Variants in ANK2 observed in about 807,000 individuals in gnomAD.
ANK2 encodes ankyrin-2.
In ANK2, 83 loss-of-function variants were observed where a neutral mutation model predicts 360.5. The observed-to-expected ratio is 0.23, with a 90% CI of 0.19 to 0.28. The LOEUF (loss-of-function observed/expected upper bound fraction) is 0.28. Among genes scored for constraint, ANK2 ranks in the 10% least tolerant of loss-of-function variants. ANK2 has a pLI of 1.00. For missense variants in ANK2, 4,201 were observed against 4,795.7 expected, an observed-to-expected ratio of 0.88 and a Z score of 3.66; for synonymous variants, 1,740 against 1,759.5, an observed-to-expected ratio of 0.99 and a Z score of 0.28.
At chr4:113,186,598 T>TCC (rs1419538673) in intron 2 of ANK2, among the ~76,000 whole-genome samples, 1 of 121,368 alleles carries the variant, frequency 8.2e-6, no homozygotes, top group African/African-American at 3.1e-5. Flanking sequence ...TCTCTCTCTC[T>TCC]CTCTCTCTCC....
chr4:113,145,949 A>C, intron 1 of ANK2: 1 of 1,289,854 alleles, frequency 7.8e-7, no homozygotes, highest in South Asian at 1.2e-5. Flanking sequence ...AACTGGATAA[A>C]ACCCCAGACT....
At chr4:112,853,742 T>C (rs1237495493) in intron 1 of ANK2, among the ~76,000 whole-genome samples, 1 of 152,230 alleles carries the variant, frequency 6.6e-6, no homozygotes, top group Non-Finnish European at 1.5e-5. Context: ...AGTCTTCCAT[T>C]TTTACAAATA....
In ANK2 at chr4:113,357,435, T is replaced by G; in HGVS notation, c.8817T>G (p.Ser2939Arg). The change falls in exon 38 of 46, where the codon AGT (serine) becomes AGG (arginine). Residue 2939 changes from serine (S) to arginine (R), a missense_variant. By Grantham distance (110) the Ser-to-Arg change is moderately radical (BLOSUM62 -1). Around this residue, in one of 4 missense-constraint regions of ANK2, gnomAD observed 2,642 missense variants for 2,714.5 expected, o/e 0.97. Transcript: ENST00000357077. ...ENVPSQSFFS[S>R]EESKTQTDAN... ...TCCCTTCCCAATCTTTTTTCTCTAG[T>G]GAAGAAAGCAAAACCCAAACAGATG... The G allele has an allele frequency of 6.2e-7, 1 of 1,614,070 alleles. No individual in the cohort carries two copies.
the ANK2 span, among the ~76,000 whole-genome samples, chr4:112,761,385 C>G: frequency 6.6e-6 from 1 of 152,030 alleles, no homozygotes; most frequent in African/African-American, 2.4e-5. Flanking sequence ...CTTTGGGAGG[C>G]CGAGGCGGGT....
At chr4:112,714,467 G>A in the ANK2 span, among the ~76,000 whole-genome samples, 2 of 152,210 alleles carry the variant, frequency 1.3e-5, no homozygotes, top group African/African-American at 4.8e-5. Context: ...ACAGGCGTGA[G>A]CCACCGCACC....
the ANK2 span, among the ~76,000 whole-genome samples, chr4:112,793,577 A>G: frequency 6.6e-6 from 1 of 152,142 alleles, no homozygotes; most frequent in Non-Finnish European, 1.5e-5. Context: ...ATTTTGGTTT[A>G]TCATATTACT....
the ANK2 span, among the ~76,000 whole-genome samples, chr4:112,785,498 C>G: frequency 6.6e-6 from 1 of 150,978 alleles, no homozygotes; most frequent in Non-Finnish European, 1.5e-5. Flanking sequence ...CTCAGCCTCT[C>G]GAGTAGCTGG....
At chr4:113,123,522 G>A (rs2095492148) in intron 1 of ANK2, among the ~76,000 whole-genome samples, 1 of 152,096 alleles carries the variant, frequency 6.6e-6, no homozygotes, top group Admixed American at 6.6e-5. Flanking sequence ...AAAATAAAGT[G>A]TAAAGAAGAC....
In ANK2 at chr4:113,355,596, T is replaced by C. The variant is rs1490454548; in HGVS notation, c.6978T>C (p.Asp2326=). ...PKDTSPKRQD[D]CTGSCSVALA... Reference sequence around the variant, plus strand: ...ACACAAGCCCTAAAAGACAAGATGATTGCACAGGCAGCTGTAGTGTAGCAT... The same window carrying C: ...ACACAAGCCCTAAAAGACAAGATGACTGCACAGGCAGCTGTAGTGTAGCAT... Residue 2326 remains aspartate (D), a synonymous_variant, in exon 38 of 46, where the codon GAT becomes GAC. Coordinates refer to ENST00000357077, the MANE Select transcript of ANK2 (RefSeq NM_001148.6). 1.6e-5 allele frequency: 26 copies of C among 1,613,892 alleles called. No homozygotes were observed. The highest frequency in any genetic ancestry group is 2.2e-5 in the Non-Finnish European group (26 of 1,179,974).
the ANK2 span, among the ~76,000 whole-genome samples, chr4:112,708,777 AATACCTAATTTGTATGTACCT>A: frequency 6.6e-6 from 1 of 152,198 alleles, no homozygotes; most frequent in Non-Finnish European, 1.5e-5. Flanking sequence ...GAGCCTAAAT[AATACCTAATTTGTATGTACCT>A]AAAATGTCAC....
intron 1 of ANK2, among the ~76,000 whole-genome samples, chr4:112,890,638 G>T (rs947956411): frequency 3.2e-5 from 4 of 125,340 alleles, no homozygotes; most frequent in Non-Finnish European, 6.2e-5. Flanking sequence ...CATGATCTCA[G>T]CTCACCGCAA....
chr4:113,351,650 C>G (rs1354056007), intron 37 of ANK2, among the ~76,000 whole-genome samples: 1 of 151,580 alleles, frequency 6.6e-6, no homozygotes, highest in Non-Finnish European at 1.5e-5. Context: ...TAAATGGCCT[C>G]TTACTTTGCT....
At chr4:112,961,035 GT>G (rs915284981) in intron 2 of ANK2, among the ~76,000 whole-genome samples, 38 of 149,160 alleles carry the variant, frequency 2.5e-4, no homozygotes, top group Non-Finnish European at 2.4e-4. Context: ...AAATTCTTTA[GT>G]TTTTGTAAAC....
At chr4:112,945,946 C>T (rs374595373) in intron 2 of ANK2, among the ~76,000 whole-genome samples, 9 of 152,132 alleles carry the variant, frequency 5.9e-5, no homozygotes, top group Non-Finnish European at 8.8e-5. Context: ...TACCTGAACC[C>T]GGGGTGGTTC....
At chr4:112,712,562 C>T in the ANK2 span, among the ~76,000 whole-genome samples, 47 of 151,696 alleles carry the variant, frequency 3.1e-4, no homozygotes, top group African/African-American at 9.7e-4. Flanking sequence ...CGCCTGCCAC[C>T]ATGCCCAGCT....
chr4:112,817,930 A>C (rs980011859), upstream of ANK2, among the ~76,000 whole-genome samples: 6 of 152,234 alleles, frequency 3.9e-5, no homozygotes, highest in Non-Finnish European at 7.3e-5. Flanking sequence ...GTGAGAAAAC[A>C]ACAGTTCCTT....
intron 2 of ANK2, among the ~76,000 whole-genome samples, chr4:112,906,808 C>G (rs945461027): frequency 6.6e-6 from 1 of 151,740 alleles, no homozygotes; most frequent in African/African-American, 2.4e-5. Flanking sequence ...AGAGAGAGGT[C>G]AATATTAGAT....
At chr4:112,996,169 C>G (rs1056677837) in intron 2 of ANK2, among the ~76,000 whole-genome samples, 2 of 151,900 alleles carry the variant, frequency 1.3e-5, no homozygotes, top group African/African-American at 4.8e-5. Context: ...GGTGAAGAAG[C>G]CAGACATAAA....
At chr4:113,207,924 A>C (rs1429745928) in intron 4 of ANK2, among the ~76,000 whole-genome samples, 2 of 152,152 alleles carry the variant, frequency 1.3e-5, no homozygotes, top group Non-Finnish European at 2.9e-5. Flanking sequence ...TAATGCGCAC[A>C]TCAGCGGTCA....
Sources: allele counts gnomAD v4.1 joint callset (sites outside exome capture counted in the v4.1 genomes callset), GRCh38; gene constraint gnomAD v4.1.1; regional missense constraint gnomAD v4.1.1; transcripts MANE v1.5; gene names NCBI Gene and HGNC (gene_info 2026-07-23, HGNC 2026-07-21).